Variants in TRMT10B observed in about 807,000 individuals in gnomAD.
The protein encoded by TRMT10B is tRNA methyltransferase 10B.
A neutral mutation model predicts 43.8 loss-of-function variants in TRMT10B; 33 were observed. The observed-to-expected ratio is 0.75, with a 90% confidence interval of 0.57 to 1.01. The LOEUF is 1.01. Ranked by LOEUF, TRMT10B falls within the 50% of genes least tolerant of loss-of-function variation. The pLI is 0.00. For missense variants in TRMT10B, 362 were observed against 369.8 expected, an observed-to-expected ratio of 0.98 and a Z score of 0.17; for synonymous variants, 137 against 130.6, an observed-to-expected ratio of 1.05 and a Z score of -0.34.
At chr9:37,769,692 G>C in intron 5 of TRMT10B, 1 of 475,498 alleles carries the variant, frequency 2.1e-6, no homozygotes, top group East Asian at 3.4e-5. Context: ...CTGCCTCCTG[G>C]GCTCAAGCCA....
intron 4 of TRMT10B, 73 bp downstream of exon 4, chr9:37,763,826 A>AT: frequency 6.2e-7 from 1 of 1,610,460 alleles, no homozygotes; most frequent in Non-Finnish European, 8.5e-7. Flanking sequence ...TTTCCGAAGA[A>AT]TATGGTCAAC....
intron 1 of TRMT10B, among the ~76,000 whole-genome samples, chr9:37,755,727 AAC>A (rs1467442014): frequency 6.6e-6 from 1 of 152,224 alleles, no homozygotes; most frequent in Non-Finnish European, 1.5e-5. Context: ...TGGTTTAAGA[AAC>A]ATTCTCAGGG....
chr9:37,754,437 A>G (rs1030241499), intron 1 of TRMT10B, among the ~76,000 whole-genome samples: 1 of 152,148 alleles, frequency 6.6e-6, no homozygotes, highest in Non-Finnish European at 1.5e-5. Flanking sequence ...AGAAAGGTAG[A>G]CCTTAGTGAT....
At chr9:37,762,498 G>T in intron 2 of TRMT10B, 79 bp from the exon 3 acceptor site, 1 of 1,499,778 alleles carries the variant, frequency 6.7e-7, no homozygotes, top group Non-Finnish European at 8.9e-7. Context: ...TAAGAAAAAA[G>T]CAAATGTTTC....
In TRMT10B at chr9:37,770,728, A is replaced by G. The variant is rs1827483557; in HGVS notation, c.709A>G (p.Ser237Gly). Residue 237 changes from serine to glycine, a missense_variant, in exon 7 of 9, where the codon AGC becomes GGC. By Grantham distance (56) the Ser-to-Gly change is moderately conservative (BLOSUM62 0). Coordinates refer to ENST00000297994, the MANE Select transcript of TRMT10B (RefSeq NM_144964.4). Reference protein sequence around the residue: ...VYILGGLVDESIQKKVTFQKA... With the variant: ...VYILGGLVDEGIQKKVTFQKA... Reference sequence around the variant, plus strand: ...CATCCTCGGTGGGCTTGTGGATGAAAGCATTCAGAAGGTAAGTATACATTT... The same window carrying G: ...CATCCTCGGTGGGCTTGTGGATGAAGGCATTCAGAAGGTAAGTATACATTT... 2 of 1,613,838 alleles carry G rather than the reference A, an allele frequency of 1.2e-6. No homozygotes were observed. The highest frequency in any genetic ancestry group is 4.5e-5 in the East Asian group (2 of 44,892).
intron 5 of TRMT10B, chr9:37,769,715 A>C: frequency 4.0e-6 from 2 of 500,348 alleles, no homozygotes; most frequent in Non-Finnish European, 3.6e-6. Flanking sequence ...CTGCCACCTC[A>C]CTCCTAAGTA....
chr9:37,774,104 G>T (rs550738624), intron 7 of TRMT10B, among the ~76,000 whole-genome samples: 1 of 152,224 alleles, frequency 6.6e-6, no homozygotes, highest in Non-Finnish European at 1.5e-5. Flanking sequence ...GCTTACTCCA[G>T]GCTCAATTGA....
intron 1 of TRMT10B, among the ~76,000 whole-genome samples, chr9:37,756,741 T>TACAC (rs533330841): frequency 2.1e-4 from 31 of 149,868 alleles, no homozygotes; most frequent in African/African-American, 6.9e-4. Context: ...TATATATATA[T>TACAC]ACACACACAC....
chr9:37,760,509 C>A (rs1471110240), intron 1 of TRMT10B, among the ~76,000 whole-genome samples: 2 of 152,062 alleles, frequency 1.3e-5, no homozygotes, highest in Non-Finnish European at 2.9e-5. Flanking sequence ...AACAGTGAGA[C>A]CCTGTCTCAA....
intron 4 of TRMT10B, among the ~76,000 whole-genome samples, chr9:37,764,761 T>C (rs985179676): frequency 2.6e-5 from 4 of 152,010 alleles, no homozygotes; most frequent in African/African-American, 7.2e-5. Flanking sequence ...ATTCACCTCA[T>C]TGATGAAAGA....
intron 2 of TRMT10B, 147 bp downstream of exon 2, chr9:37,762,264 A>G: frequency 6.7e-6 from 7 of 1,052,458 alleles, no homozygotes; most frequent in Non-Finnish European, 8.0e-6. Flanking sequence ...AACTGGTTTA[A>G]AGTTTTAGTT....
At chr9:37,754,470 T>C (rs1825388049) in intron 1 of TRMT10B, among the ~76,000 whole-genome samples, 1 of 152,130 alleles carries the variant, frequency 6.6e-6, no homozygotes, top group African/African-American at 2.4e-5. Context: ...TTGTATGGAT[T>C]TGGGCTATTT....
At chr9:37,763,594 T>G (rs1390234693) in intron 3 of TRMT10B, 35 bp from the exon 4 acceptor site, 4 of 1,588,488 alleles carry the variant, frequency 2.5e-6, no homozygotes. Flanking sequence ...CCTCTGGTTT[T>G]CCACTTTTAT....
chr9:37,757,778 C>A (rs945498819), intron 1 of TRMT10B, among the ~76,000 whole-genome samples: 4 of 152,196 alleles, frequency 2.6e-5, no homozygotes, highest in African/African-American at 7.2e-5. Flanking sequence ...CTAATTCTTG[C>A]AACAATCCTG....
chr9:37,771,209 G>A (rs183999112), intron 7 of TRMT10B, among the ~76,000 whole-genome samples: 1 of 151,580 alleles, frequency 6.6e-6, no homozygotes, highest in East Asian at 1.9e-4. Flanking sequence ...TGAAATGTTT[G>A]TTATATAGCT....
At chr9:37,760,923 A>G (rs767894894) in intron 1 of TRMT10B, among the ~76,000 whole-genome samples, 1 of 152,204 alleles carries the variant, frequency 6.6e-6, no homozygotes, top group Non-Finnish European at 1.5e-5. Flanking sequence ...CAGATTTTGA[A>G]CTCCACTTTG....
chr9:37,762,855 G>A (rs1826512220), intron 3 of TRMT10B, among the ~76,000 whole-genome samples, 170 bp downstream of exon 3: 1 of 151,866 alleles, frequency 6.6e-6, no homozygotes, highest in South Asian at 2.1e-4. Flanking sequence ...ATTTGTAGCT[G>A]GGTGTGGTGG....
At position 37,755,857 on chromosome 9, in the gene TRMT10B, G is replaced by GGT. The variant is rs1329499449; in HGVS notation, c.-30+2006_-30+2007dup. Among the ~76,000 whole-genome samples, 4 of 152,050 alleles carry GGT rather than the reference G, an allele frequency of 2.6e-5. No homozygotes were observed. The East Asian group carries it at 7.7e-4, about 29-fold the overall frequency. On this transcript the variant is annotated intron_variant, in intron 1 of 8. Transcript: ENST00000297994. The stretch of plus-strand genomic sequence containing the variant: ...AAAAAATAAACACTGCTGTTTTCAA[G>GGT]GTTCTATACTGTGAACTCTTAAGTG...
chr9:37,753,782 G>A (rs1300010324), upstream of TRMT10B: 1 of 152,338 alleles, frequency 6.6e-6, no homozygotes, highest in African/African-American at 2.4e-5. Context: ...GAGTTACGAA[G>A]CGGAAGCGAG....
Sources: allele counts gnomAD v4.1 joint callset (sites outside exome capture counted in the v4.1 genomes callset), GRCh38; gene constraint gnomAD v4.1.1; transcripts MANE v1.5; gene names NCBI Gene and HGNC (gene_info 2026-07-23, HGNC 2026-07-21).